DENND2B: variants seen among roughly 807,000 people sequenced by gnomAD.
The protein encoded by DENND2B is DENN domain containing 2B, also known as DENN domain-containing protein 2B.
A neutral mutation model predicts 116.0 loss-of-function variants in DENND2B; 32 were observed. The ratio of observed to expected loss-of-function variants is 0.28; its 90% CI spans 0.21 to 0.37. The LOEUF is 0.37. DENND2B is among the 10% of genes least tolerant of loss of function. The pLI is 1.00. For synonymous variants in DENND2B, 588 were observed against 583.9 expected (o/e 1.01, Z -0.10); for missense variants, 1,276 against 1,477.7 (o/e 0.86, Z 2.24).
At chr11:8,826,463 G>A (rs1196108322) in intron 4 of DENND2B, among the ~76,000 whole-genome samples, 1 of 152,206 alleles carries the variant, frequency 6.6e-6, no homozygotes, top group Non-Finnish European at 1.5e-5. Context: ...CGAAACATTA[G>A]ATGGTAGGAA....
intron 4 of DENND2B, among the ~76,000 whole-genome samples, chr11:8,725,045 TA>T (rs1394646216): frequency 6.6e-6 from 1 of 152,228 alleles, no homozygotes; most frequent in Non-Finnish European, 1.5e-5. Context: ...CCATAAGTAA[TA>T]AAGTCCTTTG....
intron 1 of DENND2B, among the ~76,000 whole-genome samples, chr11:8,883,717 CCA>C (rs961764437): frequency 6.6e-6 from 1 of 152,138 alleles, no homozygotes; most frequent in Non-Finnish European, 1.5e-5. Flanking sequence ...CAATTTTATA[CCA>C]CATTTTCATC....
At chr11:8,782,900 A>AC (rs1420899527) in intron 1 of DENND2B, among the ~76,000 whole-genome samples, 2 of 151,740 alleles carry the variant, frequency 1.3e-5, no homozygotes, top group Non-Finnish European at 2.9e-5. Context: ...AAAAAAAAAA[A>AC]AAAAAAGATA....
chr11:8,755,472 T>C (rs2053448885), intron 1 of DENND2B, among the ~76,000 whole-genome samples: 1 of 152,154 alleles, frequency 6.6e-6, no homozygotes, highest in Admixed American at 6.5e-5. Context: ...GTTTTAGTGA[T>C]GGTGATAGGG....
intron 1 of DENND2B, among the ~76,000 whole-genome samples, chr11:8,805,240 A>G (rs1278633814): frequency 6.6e-6 from 1 of 152,220 alleles, no homozygotes; most frequent in Non-Finnish European, 1.5e-5. Context: ...AAATGGTTCC[A>G]TCAGAATTGC....
intron 3 of DENND2B, among the ~76,000 whole-genome samples, chr11:8,854,772 G>T (rs905384383): frequency 6.6e-6 from 1 of 152,086 alleles, no homozygotes; most frequent in African/African-American, 2.4e-5. Context: ...GAGTGCAAAG[G>T]CATGATCTCG....
chr11:8,728,610 G>C (rs1264825785), intron 3 of DENND2B, among the ~76,000 whole-genome samples: 4 of 152,224 alleles, frequency 2.6e-5, no homozygotes, highest in African/African-American at 9.6e-5. Context: ...CACTCCCTTT[G>C]GTCACCTAGC....
chr11:8,873,306 A>C (rs1240283134), upstream of DENND2B, among the ~76,000 whole-genome samples: 1 of 152,246 alleles, frequency 6.6e-6, no homozygotes, highest in South Asian at 2.1e-4. Flanking sequence ...TATGTGCTGA[A>C]GCAATGTAAG....
At chr11:8,695,393 C>T (rs2040180882) in intron 19 of DENND2B, 70 bp downstream of exon 19, 8 of 1,408,438 alleles carry the variant, frequency 5.7e-6, no homozygotes, top group Non-Finnish European at 7.0e-6. Flanking sequence ...TTAGAGTATT[C>T]GGGAACACAA....
intron 1 of DENND2B, among the ~76,000 whole-genome samples, chr11:8,800,967 G>T (rs6484494): frequency 0.016 from 2,441 of 151,776 alleles, 70 homozygotes; most frequent in African/African-American, 0.056. Context: ...CTCTTGGGAA[G>T]ATGAAGTACC....
intron 14 of DENND2B, chr11:8,699,952 C>T (rs1478928107): frequency 6.6e-6 from 3 of 456,192 alleles, no homozygotes; most frequent in Non-Finnish European, 1.3e-5. Flanking sequence ...CCCGGCCAGG[C>T]CAAGAACAAG....
chr11:8,721,725 C>G (rs2046228710), intron 4 of DENND2B, among the ~76,000 whole-genome samples: 1 of 152,238 alleles, frequency 6.6e-6, no homozygotes. Flanking sequence ...TTTTGTTTCC[C>G]ACTGCAACCT....
intron 2 of DENND2B, among the ~76,000 whole-genome samples, chr11:8,861,554 T>A (rs746318534): frequency 6.6e-6 from 1 of 152,178 alleles, no homozygotes; most frequent in Non-Finnish European, 1.5e-5. Flanking sequence ...ATGGATGTGG[T>A]GAAAAGCAAA....
At position 8,869,914 on chromosome 11, in the gene DENND2B, T is replaced by A. The variant is rs1179647576; in HGVS notation, c.-250+1040A>T. The stretch of plus-strand genomic sequence containing the variant: ...GGACCCCAGATTACGTCTAACCTTT[T>A]AGAAACCCCTAATTCTGGCAAAAAA... On this transcript the variant is annotated intron_variant, in intron 2 of 6. Coordinates refer to the DENND2B transcript ENST00000524757. Among the ~76,000 whole-genome samples, 3 of 132,380 alleles carry A rather than the reference T, an allele frequency of 2.3e-5. 1 individual carries two copies. Among genetic ancestry groups the A allele is most frequent in the African/African-American group, 8.8e-5 (3 of 33,994 alleles). 86.8% of individuals were successfully genotyped at this position (132,380 alleles called of 152,430 possible). A position where few individuals can be genotyped will look rare whatever the true frequency, so the allele number is the denominator to read the frequency against.
intron 1 of DENND2B, among the ~76,000 whole-genome samples, chr11:8,797,478 T>G (rs1396275686): frequency 8.2e-6 from 1 of 121,658 alleles, no homozygotes; most frequent in Non-Finnish European, 1.7e-5. Context: ...TTTCTTCCCC[T>G]TCTTCCCTCT....
chr11:8,792,503 T>C (rs2059469031), intron 1 of DENND2B, among the ~76,000 whole-genome samples: 1 of 152,118 alleles, frequency 6.6e-6, no homozygotes, highest in East Asian at 1.9e-4. Context: ...AAAATTTTTA[T>C]TGGGGGAAAA....
chr11:8,812,407 G>A (rs2061420813), upstream of DENND2B, among the ~76,000 whole-genome samples: 3 of 152,070 alleles, frequency 2.0e-5, no homozygotes, highest in South Asian at 2.1e-4. Flanking sequence ...TTTTCTAAAC[G>A]ACTCTCAAAA....
intron 1 of DENND2B, among the ~76,000 whole-genome samples, chr11:8,894,758 G>A (rs2134748924): frequency 6.6e-6 from 1 of 152,274 alleles, no homozygotes; most frequent in Admixed American, 6.5e-5. Context: ...AACAGGTGCT[G>A]GAGAGGATGT....
In DENND2B at chr11:8,731,049, G is replaced by A. The variant is rs770430454; in HGVS notation, c.241C>T (p.Gln81Ter). ...GGGGAAGTATCTGGGGAGGGATCTT[G>A]AGGATTCTGGGGTGAAGGAGCTGGG... ...HPPAPSPQNP[Q>*]DPSPDTSPPT... The change falls in exon 3 of 20, where the codon CAA (glutamine) becomes TAA (stop). Residue 81 changes from glutamine (Q) to a stop codon, truncating the protein, a stop_gained. Transcript: ENST00000313726. LOFTEE classifies it high-confidence loss of function. 1.9e-6 allele frequency: 3 copies of A among 1,614,092 alleles called. No homozygotes were observed. The highest frequency in any genetic ancestry group is 1.1e-5 in the South Asian group (1 of 91,084).
Sources: allele counts gnomAD v4.1 joint callset (sites outside exome capture counted in the v4.1 genomes callset), GRCh38; gene constraint gnomAD v4.1.1; transcripts MANE v1.5; gene names NCBI Gene and HGNC (gene_info 2026-07-23, HGNC 2026-07-21).